MBNL2: variants seen among roughly 807,000 people sequenced by gnomAD.
MBNL2 encodes muscleblind like splicing regulator 2, also known as muscleblind-like protein 2.
Under a neutral mutation model 41.9 loss-of-function variants are expected in MBNL2, and 17 were observed. That is an observed-to-expected ratio of 0.41 (90% CI 0.28 to 0.61). The LOEUF is 0.61. MBNL2 is among the 20% of genes least tolerant of loss of function. The probability of loss-of-function intolerance (pLI) is 0.35; values close to 1 mark genes in which losing one functional copy is unlikely to be tolerated. For missense variants in MBNL2, 336 were observed against 505.6 expected, an observed-to-expected ratio of 0.66 and a Z score of 3.22; for synonymous variants, 195 against 182.9, an observed-to-expected ratio of 1.07 and a Z score of -0.53.
the MBNL2 span, among the ~76,000 whole-genome samples, chr13:97,193,213 C>G: frequency 6.6e-6 from 1 of 152,232 alleles, no homozygotes; most frequent in East Asian, 1.9e-4. Context: ...CAGTTCCGCT[C>G]TCCCCAGCGG....
At chr13:97,257,790 AG>A (rs998394356) in intron 1 of MBNL2, among the ~76,000 whole-genome samples, 1 of 152,208 alleles carries the variant, frequency 6.6e-6, no homozygotes, top group Non-Finnish European at 1.5e-5. Context: ...CACAGGATTT[AG>A]GGGGGCACTG....
At chr13:97,162,820 G>T in the MBNL2 span, among the ~76,000 whole-genome samples, 2 of 152,170 alleles carry the variant, frequency 1.3e-5, no homozygotes, top group Non-Finnish European at 1.5e-5. Flanking sequence ...CATAAAACAG[G>T]TTTATTTTTG....
At chr13:97,331,510 C>T (rs1424067415) in intron 2 of MBNL2, among the ~76,000 whole-genome samples, 2 of 152,102 alleles carry the variant, frequency 1.3e-5, no homozygotes, top group African/African-American at 4.8e-5. Context: ...TACGAAAGAT[C>T]ATCATAGATT....
intron 2 of MBNL2, among the ~76,000 whole-genome samples, chr13:97,331,104 C>G (rs573499935): frequency 6.6e-6 from 1 of 152,184 alleles, no homozygotes; most frequent in African/African-American, 2.4e-5. Flanking sequence ...AGTCAAAATA[C>G]TACTAAATGT....
intron 7 of MBNL2, among the ~76,000 whole-genome samples, chr13:97,358,651 C>T (rs1487975117): frequency 1.3e-5 from 2 of 152,102 alleles, no homozygotes; most frequent in Non-Finnish European, 2.9e-5. Context: ...ACCTTTTAGT[C>T]AATGTTAGAA....
At position 97,334,246 on chromosome 13, in the gene MBNL2, T is replaced by C; in HGVS notation, c.175-30T>C. On this transcript the variant is annotated intron_variant, in intron 2 of 8. Transcript: ENST00000679496. The surrounding 1 kb of genome is among the most constrained non-coding windows in gnomAD (Gnocchi z 5.3). ...CTTTGGAGTTGCAAGCTACTTAAAA[T>C]AGTCCTAAAACCAACACTTGTTTTT... is the stretch of plus-strand genomic sequence containing the variant. 1.3e-6 allele frequency: 2 copies of C among 1,580,758 alleles called. No homozygotes were observed. Among genetic ancestry groups the C allele is most frequent in the Non-Finnish European group, 1.7e-6 (2 of 1,163,492 alleles).
At chr13:97,340,349 TA>T (rs61558040) in intron 3 of MBNL2, among the ~76,000 whole-genome samples, 17,466 of 152,168 alleles carry the variant, frequency 0.11, 1,071 homozygotes, top group East Asian at 0.17. Context: ...TGACAGAAAA[TA>T]TTTTTTTCAG....
intron 1 of MBNL2, among the ~76,000 whole-genome samples, chr13:97,264,146 G>A (rs2049245266): frequency 1.3e-5 from 2 of 151,408 alleles, no homozygotes; most frequent in South Asian, 4.2e-4. Flanking sequence ...TCCTGCCTCA[G>A]CCTCCCGAGT....
chr13:97,233,173 A>ATATATATC (rs2042688162), intron 1 of MBNL2, among the ~76,000 whole-genome samples: 1 of 102,838 alleles, frequency 9.7e-6, no homozygotes, highest in Non-Finnish European at 1.9e-5. Flanking sequence ...ATATATATAT[A>ATATATATC]TATCTTTTTA....
the MBNL2 span, among the ~76,000 whole-genome samples, chr13:97,193,865 C>A: frequency 6.6e-6 from 1 of 152,190 alleles, no homozygotes; most frequent in South Asian, 2.1e-4. Context: ...CTTCCAAGGG[C>A]AGACTCCTGA....
intron 2 of MBNL2, among the ~76,000 whole-genome samples, chr13:97,287,721 C>CTTTTTTTTTTTTTTTTTTTTTTTTTTTT (rs768809008): frequency 1.7e-4 from 20 of 114,928 alleles, no homozygotes; most frequent in African/African-American, 2.3e-4. Flanking sequence ...CTTTTCTTTT[C>CTTTTTTTTTTTTTTTTTTTTTTTTTTTT]TTTTTTTTTT....
At chr13:97,312,196 C>T (rs538592420) in intron 2 of MBNL2, among the ~76,000 whole-genome samples, 5 of 152,204 alleles carry the variant, frequency 3.3e-5, no homozygotes, top group South Asian at 2.1e-4. Flanking sequence ...AAAGTGCTTC[C>T]GAGTGCATGA....
chr13:97,347,926 T>G (rs141683463), intron 5 of MBNL2, among the ~76,000 whole-genome samples: 155 of 152,248 alleles, frequency 1.0e-3, no homozygotes, highest in African/African-American at 3.6e-3. Context: ...GTATGCACAT[T>G]AACATTTGAG....
intron 2 of MBNL2, among the ~76,000 whole-genome samples, chr13:97,328,117 C>T (rs1015964933): frequency 3.3e-5 from 5 of 151,384 alleles, no homozygotes; most frequent in Non-Finnish European, 7.4e-5. Context: ...TGCCCAAGAA[C>T]AGCAGCGCTG....
At chr13:97,198,023 G>A in the MBNL2 span, among the ~76,000 whole-genome samples, 1 of 152,056 alleles carries the variant, frequency 6.6e-6, no homozygotes, top group Non-Finnish European at 1.5e-5. Context: ...CATCTCCCAT[G>A]GTTGATTTTA....
chr13:97,210,885 A>T, the MBNL2 span, among the ~76,000 whole-genome samples: 1 of 152,236 alleles, frequency 6.6e-6, no homozygotes, highest in African/African-American at 2.4e-5. Context: ...GAAGGGACTC[A>T]GTCCAGTTCC....
At chr13:97,274,756 C>T (rs1445920915) in intron 1 of MBNL2, among the ~76,000 whole-genome samples, 1 of 152,120 alleles carries the variant, frequency 6.6e-6, no homozygotes, top group African/African-American at 2.4e-5. Context: ...GATTTCATAA[C>T]CCTTGAAAAA....
the MBNL2 span, among the ~76,000 whole-genome samples, chr13:97,188,965 C>T: frequency 6.6e-6 from 1 of 152,332 alleles, no homozygotes; most frequent in South Asian, 2.1e-4. Flanking sequence ...CTTCTATTCC[C>T]GTTAACACCA....
intron 1 of MBNL2, among the ~76,000 whole-genome samples, chr13:97,262,326 A>C (rs1044162133): frequency 1.3e-5 from 2 of 152,160 alleles, no homozygotes; most frequent in African/African-American, 4.8e-5. Context: ...ACACCTAGCC[A>C]CCACAAATTG....
Sources: gnomAD v4.1 joint callset for allele counts (sites outside exome capture counted in the v4.1 genomes callset) on GRCh38, gnomAD v4.1.1 for gene constraint, Gnocchi (gnomAD v3.1) non-coding constraint, MANE v1.5 for transcripts, NCBI Gene and HGNC (gene_info 2026-07-23, HGNC 2026-07-21) for gene names.